The following MYO18B variants were observed in gnomAD, a reference collection of about 807,000 sequenced individuals.
The protein encoded by MYO18B is unconventional myosin-XVIIIb.
Under a neutral mutation model 273.0 loss-of-function variants are expected in MYO18B, and 204 were observed. The ratio of observed to expected loss-of-function variants is 0.75; its 90% CI spans 0.67 to 0.84. The LOEUF (loss-of-function observed/expected upper bound fraction) is 0.84, where lower values mean the gene tolerates loss of function less well. Ranked by LOEUF, MYO18B falls within the 40% of genes least tolerant of loss-of-function variation. The pLI is 0.00. For missense variants in MYO18B, 3,212 were observed against 3,287.6 expected, an observed-to-expected ratio of 0.98 and a Z score of 0.56; for synonymous variants, 1,330 against 1,305.7, an observed-to-expected ratio of 1.02 and a Z score of -0.40.
At chr22:26,006,760 A>G (rs2146928637) in intron 42 of MYO18B, among the ~76,000 whole-genome samples, 1 of 152,286 alleles carries the variant, frequency 6.6e-6, no homozygotes, top group African/African-American at 2.4e-5. Flanking sequence ...TGTCAGGGGT[A>G]ATGTGGTGAT....
intron 12 of MYO18B, among the ~76,000 whole-genome samples, chr22:25,811,849 A>G (rs1457387522): frequency 6.6e-6 from 1 of 152,174 alleles, no homozygotes; most frequent in Non-Finnish European, 1.5e-5. Context: ...TTTTGGAGGC[A>G]TGGTTTCCTG....
intron 14 of MYO18B, 67 bp downstream of exon 14, chr22:25,826,566 G>A: frequency 7.0e-7 from 1 of 1,430,042 alleles, no homozygotes; most frequent in Non-Finnish European, 9.8e-7. Flanking sequence ...TCACATACCG[G>A]GCAGTTGAAC....
intron 32 of MYO18B, among the ~76,000 whole-genome samples, chr22:25,910,298 AC>A (rs774501971): frequency 7.2e-5 from 11 of 152,048 alleles, no homozygotes; most frequent in Non-Finnish European, 1.6e-4. Context: ...CTTGCAGACC[AC>A]CACCTCCTGT....
At chr22:25,941,351 C>T (rs1441252724) in intron 34 of MYO18B, among the ~76,000 whole-genome samples, 3 of 152,184 alleles carry the variant, frequency 2.0e-5, no homozygotes, top group African/African-American at 4.8e-5. Flanking sequence ...CATTGTCACA[C>T]TGGCCACAAG....
At chr22:25,804,920 G>A (rs2088397482) in intron 12 of MYO18B, among the ~76,000 whole-genome samples, 1 of 152,288 alleles carries the variant, frequency 6.6e-6, no homozygotes, top group East Asian at 1.9e-4. Context: ...GTTCACCTAG[G>A]ATGTCCATGC....
At position 26,027,903 on chromosome 22, in the gene MYO18B, C is replaced by A. The variant is rs908602484; in HGVS notation, c.*12+213C>A. The A allele has an allele frequency of 4.0e-6, 2 of 505,784 alleles. No homozygotes were observed. Among genetic ancestry groups the A allele is most frequent in the Middle Eastern group, 5.2e-4 (1 of 1,924 alleles). The allele number at this position is 505,784 out of a possible 1,614,324, so 31.3% of individuals were successfully genotyped here. On this transcript the variant is annotated intron_variant, in intron 43 of 43. Transcript: ENST00000335473. This position sits in a 1 kb window ranked among gnomAD's most constrained non-coding sequence, Gnocchi z 4.1. ...CTCTACTTCCTTGTACTTTGAAATG[C>A]AGACACATCAGAAAGTAAGAGGTTC...
At chr22:26,056,980 G>T in the MYO18B span, among the ~76,000 whole-genome samples, 1 of 152,142 alleles carries the variant, frequency 6.6e-6, no homozygotes, top group African/African-American at 2.4e-5. Flanking sequence ...GAAAATCTCA[G>T]AATGGCTTCA....
rs376826591 is a variant in MYO18B at position 25,920,048 on chromosome 22, C to G, written c.5365-1209C>G. Among the ~76,000 whole-genome samples the G allele has an allele frequency of 1.3e-3, 197 of 152,270 alleles. 1 individual carries two copies. Among genetic ancestry groups the G allele is most frequent in the African/African-American group, 4.6e-3 (193 of 41,556 alleles). ...CGTGACTCAGCCACTGCTCCATCAT[C>G]AGCAAATGGTGAGCCAGGGTTTAAA... On this transcript the variant is annotated intron_variant, in intron 33 of 43. Transcript: ENST00000335473.
At chr22:25,929,778 C>A (rs372188593) in intron 34 of MYO18B, among the ~76,000 whole-genome samples, 111 of 152,294 alleles carry the variant, frequency 7.3e-4, no homozygotes, top group African/African-American at 2.5e-3. Context: ...GCTTGTATTA[C>A]AGTCCACCTG....
intron 40 of MYO18B, 89 bp from the exon 41 acceptor site, chr22:26,003,176 C>A: frequency 1.7e-6 from 2 of 1,205,440 alleles, no homozygotes; most frequent in Non-Finnish European, 2.4e-6. Flanking sequence ...AAGTGGGATT[C>A]ACACTCATGT....
intron 12 of MYO18B, among the ~76,000 whole-genome samples, chr22:25,807,213 G>A (rs2088518010): frequency 6.6e-6 from 1 of 152,186 alleles, no homozygotes; most frequent in Non-Finnish European, 1.5e-5. Flanking sequence ...CCAGAATCCA[G>A]TTCTAGACTC....
intron 25 of MYO18B, among the ~76,000 whole-genome samples, chr22:25,880,482 C>A (rs695431): frequency 0.65 from 99,246 of 151,950 alleles, 32,627 homozygotes; most frequent in Admixed American, 0.71. Flanking sequence ...CACCTCCTTA[C>A]ATGTTGCACC....
intron 25 of MYO18B, among the ~76,000 whole-genome samples, chr22:25,886,676 T>A (rs1601470075): frequency 6.6e-6 from 1 of 152,150 alleles, no homozygotes; most frequent in East Asian, 1.9e-4. Context: ...TTGTTCTAGG[T>A]GGATAATTGC....
intron 33 of MYO18B, among the ~76,000 whole-genome samples, chr22:25,919,764 C>A (rs562005180): frequency 2.0e-5 from 3 of 151,594 alleles, no homozygotes; most frequent in Non-Finnish European, 4.4e-5. Flanking sequence ...ATATAAAGAC[C>A]GTATTCTGAG....
At chr22:25,870,332 T>C (rs1327037704) in intron 22 of MYO18B, among the ~76,000 whole-genome samples, 3 of 152,206 alleles carry the variant, frequency 2.0e-5, no homozygotes, top group Non-Finnish European at 4.4e-5. Flanking sequence ...GCACCTGGGT[T>C]AGATGGCACA....
chr22:25,999,505 GTTC>G (rs923557597), intron 40 of MYO18B, among the ~76,000 whole-genome samples: 1 of 147,756 alleles, frequency 6.8e-6, no homozygotes, highest in Non-Finnish European at 1.5e-5. Flanking sequence ...ACAAGTTCAA[GTTC>G]TTCTTCTCTC....
rs1365435106 is a variant in MYO18B, at chr22:25,846,804, G to A, written c.3552+521G>A. ...CCTTTAAATAAACCTTATAGTGGCC[G>A]GGCGCAGAGGCTCACGCCTGTAATT... On this transcript the variant is annotated intron_variant, in intron 19 of 43. Coordinates refer to ENST00000335473, the MANE Select transcript of MYO18B (RefSeq NM_032608.7). Among the ~76,000 whole-genome samples, 6 of 152,188 alleles carry A rather than the reference G, an allele frequency of 3.9e-5. 1 individual carries two copies. The South Asian group carries it at 6.2e-4, about 16-fold the overall frequency.
At chr22:25,912,843 A>G (rs776042229) in intron 33 of MYO18B, among the ~76,000 whole-genome samples, 1 of 152,168 alleles carries the variant, frequency 6.6e-6, no homozygotes, top group Non-Finnish European at 1.5e-5. Context: ...CCCTGAATGT[A>G]TATTTCAACT....
At chr22:25,913,862 A>C (rs184258660) in intron 33 of MYO18B, among the ~76,000 whole-genome samples, 1 of 152,310 alleles carries the variant, frequency 6.6e-6, no homozygotes, top group East Asian at 1.9e-4. Flanking sequence ...TTTTTAATAC[A>C]GTCGTGTTAA....
Sources: allele counts gnomAD v4.1 joint callset (sites outside exome capture counted in the v4.1 genomes callset), GRCh38; gene constraint gnomAD v4.1.1; non-coding constraint Gnocchi (gnomAD v3.1); transcripts MANE v1.5; gene names NCBI Gene and HGNC (gene_info 2026-07-23, HGNC 2026-07-21).